The following MYO1B variants were observed in gnomAD, a reference collection of about 807,000 sequenced individuals.
MYO1B encodes the protein unconventional myosin-Ib.
Under a neutral mutation model 159.7 loss-of-function variants are expected in MYO1B, and 72 were observed. That is an observed-to-expected ratio of 0.45 (90% CI 0.37 to 0.55). The LOEUF is 0.55. Ranked by LOEUF, MYO1B falls within the 20% of genes least tolerant of loss-of-function variation. The pLI, the probability that MYO1B is intolerant of heterozygous loss-of-function variation, is 0.00. For synonymous variants in MYO1B, 468 were observed against 473.8 expected, an observed-to-expected ratio of 0.99 and a Z score of 0.16; for missense variants, 1,062 against 1,364.8, an observed-to-expected ratio of 0.78 and a Z score of 3.50.
chr2:191,380,017 C>G lies in MYO1B; in HGVS notation c.1186-1445C>G, dbSNP rs1386021305. Among the ~76,000 whole-genome samples, 3 of 152,152 alleles carry G rather than the reference C, an allele frequency of 2.0e-5. No individual in the cohort carries two copies. In the East Asian group the frequency reaches 5.8e-4, roughly 29 times the overall value. ...TAAATGTTTGCCTTTTAGTAAGACTCTTCAAGACATAAAACAAACAAACTT... is the reference window on the plus strand; with the variant it reads ...TAAATGTTTGCCTTTTAGTAAGACTGTTCAAGACATAAAACAAACAAACTT... On this transcript the variant is annotated intron_variant, in intron 13 of 30. Coordinates refer to ENST00000392318, the MANE Select transcript of MYO1B (RefSeq NM_001130158.3).
intron 26 of MYO1B, among the ~76,000 whole-genome samples, chr2:191,409,923 T>C (rs1190433440): frequency 6.6e-6 from 1 of 152,186 alleles, no homozygotes; most frequent in Non-Finnish European, 1.5e-5. Context: ...ATTTAGTAAA[T>C]GAATGCTCAG....
At chr2:191,348,641 C>G (rs13000849) in intron 6 of MYO1B, among the ~76,000 whole-genome samples, 51,510 of 151,836 alleles carry the variant, frequency 0.34, 8,957 homozygotes, top group South Asian at 0.49. Flanking sequence ...GTTCCTGTGA[C>G]TCTCCGGGTA....
chr2:191,332,845 A>G (rs1474969133), intron 4 of MYO1B, among the ~76,000 whole-genome samples: 3 of 152,174 alleles, frequency 2.0e-5, no homozygotes, highest in African/African-American at 7.2e-5. Flanking sequence ...TCCGAGTGCC[A>G]CACTACTTTG....
chr2:191,390,133 A>G (rs73984116), intron 17 of MYO1B, among the ~76,000 whole-genome samples, 159 bp from the exon 18 acceptor site: 2,407 of 152,348 alleles, frequency 0.016, 62 homozygotes, highest in African/African-American at 0.054. Flanking sequence ...TTAGGTGGTT[A>G]TAAAATGATT....
At chr2:191,264,198 C>T (rs756583942) in intron 1 of MYO1B, among the ~76,000 whole-genome samples, 7 of 152,092 alleles carry the variant, frequency 4.6e-5, no homozygotes, top group Non-Finnish European at 1.0e-4. Context: ...TTTACATTAT[C>T]AGTGTCTTTT....
At chr2:191,416,305 C>T in intron 30 of MYO1B, 63 bp downstream of exon 30, 1 of 1,582,912 alleles carries the variant, frequency 6.3e-7, no homozygotes, top group Non-Finnish European at 8.7e-7. Flanking sequence ...TAGTTCAGCT[C>T]TCGATCTCAT....
chr2:191,378,395 C>G (rs1387250131), intron 13 of MYO1B, among the ~76,000 whole-genome samples: 1 of 151,746 alleles, frequency 6.6e-6, no homozygotes, highest in Non-Finnish European at 1.5e-5. Flanking sequence ...ATCATTAGTT[C>G]TTATAGGTTT....
chr2:191,408,931 C>G, intron 25 of MYO1B, 113 bp from the exon 26 acceptor site: 1 of 1,180,406 alleles, frequency 8.5e-7, no homozygotes, highest in Non-Finnish European at 1.2e-6. Context: ...TCTATAAATT[C>G]CAAAGTTAAA....
intron 16 of MYO1B, 39 bp downstream of exon 16, chr2:191,386,123 G>A (rs1192423492): frequency 5.6e-6 from 9 of 1,601,622 alleles, no homozygotes; most frequent in Non-Finnish European, 5.1e-6. Flanking sequence ...GGCCTGCCAA[G>A]TTACCCCTGC....
chr2:191,390,983 G>A (rs1404414388), intron 18 of MYO1B, among the ~76,000 whole-genome samples: 1 of 152,260 alleles, frequency 6.6e-6, no homozygotes, highest in Non-Finnish European at 1.5e-5. Context: ...ACGTAGCTTG[G>A]ACCCAGGGCC....
chr2:191,376,345 T>G (rs1297452706), intron 13 of MYO1B, among the ~76,000 whole-genome samples: 2 of 152,244 alleles, frequency 1.3e-5, no homozygotes, highest in Non-Finnish European at 2.9e-5. Context: ...AGCCTGTTTC[T>G]TGATGCTGTG....
intron 14 of MYO1B, 105 bp from the exon 15 acceptor site, chr2:191,383,175 C>A: frequency 1.5e-6 from 1 of 647,014 alleles, no homozygotes; most frequent in Non-Finnish European, 2.6e-6. Flanking sequence ...AAAATAAATT[C>A]AGAGAGGAAG....
intron 1 of MYO1B, among the ~76,000 whole-genome samples, chr2:191,273,856 G>A (rs1687599912): frequency 6.6e-6 from 1 of 152,192 alleles, no homozygotes; most frequent in Non-Finnish European, 1.5e-5. Flanking sequence ...TGTGGAGTTA[G>A]CAAGTGATTC....
At chr2:191,269,468 C>G (rs1375910464) in intron 1 of MYO1B, among the ~76,000 whole-genome samples, 1 of 132,972 alleles carries the variant, frequency 7.5e-6, no homozygotes, top group African/African-American at 2.7e-5. Context: ...ATGGGTGTAC[C>G]AACATCTGTT....
At chr2:191,309,277 A>G (rs1039759553) in intron 3 of MYO1B, among the ~76,000 whole-genome samples, 2 of 151,742 alleles carry the variant, frequency 1.3e-5, no homozygotes, top group East Asian at 1.9e-4. Context: ...CTTTTCTCCT[A>G]TTGCACACTC....
At chr2:191,287,019 A>G (rs962636799) in intron 2 of MYO1B, among the ~76,000 whole-genome samples, 1 of 152,222 alleles carries the variant, frequency 6.6e-6, no homozygotes, top group African/African-American at 2.4e-5. Flanking sequence ...TAGCCATGGT[A>G]TTAACATATT....
chr2:191,410,256 G>A (rs965450097), intron 26 of MYO1B, among the ~76,000 whole-genome samples: 2 of 152,152 alleles, frequency 1.3e-5, no homozygotes, highest in Non-Finnish European at 2.9e-5. Flanking sequence ...TGGATTGGAG[G>A]TGGGAGATGA....
In MYO1B at chr2:191,387,269, C is replaced by T; in HGVS notation, c.1600C>T (p.Leu534Phe). 6.2e-7 allele frequency: 1 copy of T among 1,614,184 alleles called. No homozygotes were observed. The highest frequency in any genetic ancestry group is 8.5e-7 in the Non-Finnish European group (1 of 1,180,038). ...ATTCGTTGACAAAAACAATGACCTT[C>T]TCTATCGAGACCTGTCCCAAGCCAT... is the stretch of plus-strand genomic sequence containing the variant. Reference protein sequence around the residue: ...EGFVDKNNDLLYRDLSQAMWK... With the variant: ...EGFVDKNNDLFYRDLSQAMWK... The change falls in exon 17 of 31, where the codon CTC becomes TTC. Residue 534 changes from leucine to phenylalanine, a missense_variant. Physicochemically the swap from Leu to Phe is conservative, Grantham distance 22. Transcript: ENST00000392318.
chr2:191,253,068 AAAC>A (rs1436460791), intron 1 of MYO1B, among the ~76,000 whole-genome samples: 1 of 151,980 alleles, frequency 6.6e-6, no homozygotes, highest in African/African-American at 2.4e-5. Flanking sequence ...TTGGAAAAAA[AAAC>A]AAAAAACAAA....
Sources: allele counts gnomAD v4.1 joint callset (sites outside exome capture counted in the v4.1 genomes callset), GRCh38; gene constraint gnomAD v4.1.1; transcripts MANE v1.5; gene names NCBI Gene and HGNC (gene_info 2026-07-23, HGNC 2026-07-21).